KCTD16: variants seen among roughly 807,000 people sequenced by gnomAD.
The protein encoded by KCTD16 is potassium channel tetramerization domain containing 16.
Under a neutral mutation model 33.2 loss-of-function variants are expected in KCTD16, and 13 were observed. The ratio of observed to expected loss-of-function variants is 0.39; its 90% CI spans 0.25 to 0.62. KCTD16 has a LOEUF of 0.62. Among genes scored for constraint, KCTD16 ranks in the 20% least tolerant of loss-of-function variants. The pLI, the probability that KCTD16 is intolerant of heterozygous loss-of-function variation, is 0.50. For synonymous variants in KCTD16, 197 were observed against 195.3 expected, an observed-to-expected ratio of 1.01 and a Z score of -0.07; for missense variants, 441 against 525.1, an observed-to-expected ratio of 0.84 and a Z score of 1.57.
At chr5:144,408,858 C>T (rs1458295522) in intron 3 of KCTD16, among the ~76,000 whole-genome samples, 3 of 152,108 alleles carry the variant, frequency 2.0e-5, no homozygotes, top group Non-Finnish European at 4.4e-5. Flanking sequence ...CTTATTCCTC[C>T]CCCAGACCTT....
intron 3 of KCTD16, among the ~76,000 whole-genome samples, chr5:144,388,999 A>T (rs1752392726): frequency 6.6e-6 from 1 of 152,186 alleles, no homozygotes; most frequent in African/African-American, 2.4e-5. Context: ...TTTATCAAGG[A>T]TGGTCATAAA....
rs1754658339 is a variant in KCTD16 at position 144,479,366 on chromosome 5, A to C, written c.*5252A>C. The C allele has an allele frequency of 1.3e-5, 1 of 76,940 alleles. No individual in the cohort carries two copies. Among genetic ancestry groups the C allele is most frequent in the African/African-American group, 4.0e-5 (1 of 24,844 alleles). 4.8% of individuals were successfully genotyped at this position (76,940 alleles called of 1,614,324 possible). ...CAAACTGATGTGTAAGAATAAATGCAAAAAAAAAAAAAAAAGAAAAAGAAA... is the reference window on the plus strand; with the variant it reads ...CAAACTGATGTGTAAGAATAAATGCCAAAAAAAAAAAAAAAGAAAAAGAAA... On this transcript the variant is annotated 3_prime_UTR_variant, in exon 4 of 4. Coordinates refer to ENST00000512467, the MANE Select transcript of KCTD16 (RefSeq NM_020768.4).
chr5:144,244,406 T>C (rs1483093421), intron 3 of KCTD16, among the ~76,000 whole-genome samples: 1 of 152,190 alleles, frequency 6.6e-6, no homozygotes, highest in Non-Finnish European at 1.5e-5. Context: ...TATAGATAAA[T>C]AGAGATAGGA....
chr5:144,367,466 T>C (rs1751863089), intron 3 of KCTD16, among the ~76,000 whole-genome samples: 1 of 152,122 alleles, frequency 6.6e-6, no homozygotes, highest in African/African-American at 2.4e-5. Context: ...TATATTTTAT[T>C]AAGGGAATTT....
chr5:144,262,970 A>C (rs1450702413), intron 3 of KCTD16, among the ~76,000 whole-genome samples: 1 of 152,196 alleles, frequency 6.6e-6, no homozygotes, highest in Admixed American at 6.5e-5. Flanking sequence ...TCTAACTGAT[A>C]GACAGATGAA....
chr5:144,230,246 C>G (rs1190250183), intron 3 of KCTD16, among the ~76,000 whole-genome samples: 1 of 152,202 alleles, frequency 6.6e-6, no homozygotes, highest in African/African-American at 2.4e-5. Flanking sequence ...AATTCAATCT[C>G]AGCTGCATTT....
chr5:144,305,374 AG>A (rs1751574093), intron 3 of KCTD16, among the ~76,000 whole-genome samples: 2 of 152,220 alleles, frequency 1.3e-5, no homozygotes, highest in Admixed American at 1.3e-4. Flanking sequence ...ATTTGGAGAT[AG>A]GATCATCAAA....
intron 3 of KCTD16, among the ~76,000 whole-genome samples, chr5:144,243,997 C>T (rs1754479369): frequency 6.6e-6 from 1 of 152,132 alleles, no homozygotes. Flanking sequence ...CCTGCCTCGG[C>T]CTCCCAAAGT....
intron 3 of KCTD16, among the ~76,000 whole-genome samples, chr5:144,232,071 C>A (rs1338008764): frequency 1.3e-5 from 2 of 152,112 alleles, no homozygotes; most frequent in East Asian, 1.9e-4. Flanking sequence ...TATACCTTTG[C>A]CCCCTTTTGA....
intron 3 of KCTD16, among the ~76,000 whole-genome samples, chr5:144,367,425 G>A (rs957984309): frequency 5.3e-5 from 8 of 152,126 alleles, no homozygotes; most frequent in Admixed American, 2.0e-4. Flanking sequence ...AACATTGTAC[G>A]TTAAAATAGT....
chr5:144,315,954 G>A (rs868080076), intron 3 of KCTD16, among the ~76,000 whole-genome samples: 34 of 149,682 alleles, frequency 2.3e-4, no homozygotes, highest in Middle Eastern at 3.6e-3. Context: ...TTCAATTGCT[G>A]TAACTTTATA....
chr5:144,456,019 A>G (rs1754052787), intron 3 of KCTD16, among the ~76,000 whole-genome samples: 1 of 152,172 alleles, frequency 6.6e-6, no homozygotes, highest in Non-Finnish European at 1.5e-5. Context: ...AAAAGTAAAT[A>G]AAATTGTACC....
chr5:144,251,967 A>G (rs972116092), intron 3 of KCTD16, among the ~76,000 whole-genome samples: 9 of 152,172 alleles, frequency 5.9e-5, no homozygotes, highest in Admixed American at 1.3e-4. Context: ...TCTTTATTAA[A>G]GTATAATTAA....
intron 3 of KCTD16, among the ~76,000 whole-genome samples, chr5:144,263,495 T>C (rs549850526): frequency 1.3e-5 from 2 of 152,316 alleles, no homozygotes; most frequent in East Asian, 3.9e-4. Context: ...GAAGTCAATA[T>C]TATTAGGTTA....
intron 3 of KCTD16, among the ~76,000 whole-genome samples, chr5:144,364,113 AAT>A (rs1440752419): frequency 2.0e-5 from 3 of 152,176 alleles, no homozygotes; most frequent in Non-Finnish European, 2.9e-5. Context: ...GAATGAAAAT[AAT>A]ATCCTAAAAA....
chr5:144,479,365 C>CAAAAA lies in KCTD16; in HGVS notation c.*5263_*5267dup, dbSNP rs368957124. 3.2e-5 allele frequency: 3 copies of CAAAAA among 92,484 alleles called. No homozygotes were observed. The highest frequency in any genetic ancestry group is 5.0e-5 in the African/African-American group (1 of 20,132). 5.7% of individuals were successfully genotyped at this position (92,484 alleles called of 1,614,324 possible). Reference sequence around the variant, plus strand: ...CCAAACTGATGTGTAAGAATAAATGCAAAAAAAAAAAAAAAAGAAAAAGAA... The same window carrying CAAAAA: ...CCAAACTGATGTGTAAGAATAAATGCAAAAAAAAAAAAAAAAAAAAAGAAAAAGAA... On this transcript the variant is annotated 3_prime_UTR_variant, in exon 4 of 4. Transcript: ENST00000512467.
intron 3 of KCTD16, among the ~76,000 whole-genome samples, chr5:144,340,156 T>G (rs938806811): frequency 4.6e-5 from 7 of 152,082 alleles, no homozygotes; most frequent in Non-Finnish European, 1.0e-4. Flanking sequence ...GGCTCACGCC[T>G]GTAATCCCAG....
intron 3 of KCTD16, among the ~76,000 whole-genome samples, chr5:144,416,941 T>C (rs1561600286): frequency 6.6e-6 from 1 of 152,204 alleles, no homozygotes; most frequent in Non-Finnish European, 1.5e-5. Flanking sequence ...CCATCTAGCA[T>C]GTATCAATAC....
At chr5:144,199,986 G>A (rs1288703180) in intron 2 of KCTD16, among the ~76,000 whole-genome samples, 4 of 151,750 alleles carry the variant, frequency 2.6e-5, no homozygotes, top group South Asian at 2.1e-4. Context: ...GTGCTTCCTC[G>A]TTTTGAAGAC....
Sources: allele counts gnomAD v4.1 joint callset (sites outside exome capture counted in the v4.1 genomes callset), GRCh38; gene constraint gnomAD v4.1.1; transcripts MANE v1.5; gene names NCBI Gene and HGNC (gene_info 2026-07-23, HGNC 2026-07-21).